MOSMO: variants seen among roughly 807,000 people sequenced by gnomAD.
The protein encoded by MOSMO is modulator of smoothened.
MOSMO carries 5 observed loss-of-function variants against 18.4 expected under a neutral mutation model. That is an observed-to-expected ratio of 0.27 (90% CI 0.14 to 0.57). The LOEUF (loss-of-function observed/expected upper bound fraction) is 0.57. MOSMO is among the 20% of genes least tolerant of loss of function. The probability of loss-of-function intolerance (pLI) is 0.92; values close to 1 mark genes in which losing one functional copy is unlikely to be tolerated. For missense variants in MOSMO, 138 were observed against 211.8 expected (o/e 0.65, Z 2.16); for synonymous variants, 82 against 82.3 (o/e 1.00, Z 0.02).
chr16:22,070,371 G>A (rs535063135), intron 1 of MOSMO, among the ~76,000 whole-genome samples: 1 of 152,274 alleles, frequency 6.6e-6, no homozygotes, highest in East Asian at 1.9e-4. Context: ...ATTGAGTCAG[G>A]GCTATCATTT....
intron 1 of MOSMO, 135 bp from the exon 2 acceptor site, chr16:22,075,352 G>A: frequency 1.4e-6 from 1 of 725,612 alleles, no homozygotes. Context: ...AGATGCTGAA[G>A]AGTAGGACTT....
intron 1 of MOSMO, among the ~76,000 whole-genome samples, chr16:22,033,320 G>A (rs1900034784): frequency 6.6e-6 from 1 of 152,116 alleles, no homozygotes; most frequent in African/African-American, 2.4e-5. Flanking sequence ...AGTATGAAAT[G>A]TCTTTCTATT....
intron 1 of MOSMO, among the ~76,000 whole-genome samples, chr16:22,063,230 C>T (rs1009489788): frequency 1.3e-5 from 2 of 152,192 alleles, no homozygotes; most frequent in African/African-American, 4.8e-5. Context: ...GAAGACAACA[C>T]ATACATGACT....
chr16:22,011,849 G>T (rs1899535911), intron 1 of MOSMO, among the ~76,000 whole-genome samples: 1 of 150,682 alleles, frequency 6.6e-6, no homozygotes. Flanking sequence ...AAACGAATGG[G>T]ACAGTATGTT....
chr16:22,073,139 G>A (rs772563128), intron 1 of MOSMO, among the ~76,000 whole-genome samples: 4 of 152,124 alleles, frequency 2.6e-5, no homozygotes, highest in Non-Finnish European at 5.9e-5. Flanking sequence ...AACGCTGAGA[G>A]AGTAAGAAAG....
intron 1 of MOSMO, among the ~76,000 whole-genome samples, chr16:22,044,613 A>G (rs1389860354): frequency 6.6e-6 from 1 of 152,090 alleles, no homozygotes. Flanking sequence ...TATCTGAAAC[A>G]CTTCTGGTCC....
intron 1 of MOSMO, among the ~76,000 whole-genome samples, chr16:22,024,774 C>T (rs1228115424): frequency 2.6e-5 from 4 of 152,052 alleles, no homozygotes; most frequent in African/African-American, 9.7e-5. Flanking sequence ...ATGGCAGGGA[C>T]ATATGTGTAA....
chr16:22,076,979 T>G (rs995280855), intron 2 of MOSMO, among the ~76,000 whole-genome samples: 22 of 152,220 alleles, frequency 1.4e-4, no homozygotes, highest in African/African-American at 5.3e-4. Flanking sequence ...CCTGAGACAA[T>G]TCTTTTCTGG....
At chr16:22,029,809 G>A (rs1310032404) in intron 1 of MOSMO, among the ~76,000 whole-genome samples, 5 of 151,980 alleles carry the variant, frequency 3.3e-5, no homozygotes, top group Admixed American at 6.6e-5. Context: ...TTTGCTTTTT[G>A]TAGAGGTGGG....
At chr16:22,032,317 A>C (rs1315030938) in intron 1 of MOSMO, among the ~76,000 whole-genome samples, 2 of 150,912 alleles carry the variant, frequency 1.3e-5, no homozygotes, top group African/African-American at 4.9e-5. Context: ...AAGCCTCCGG[A>C]GTAGGTGGGA....
At chr16:22,014,917 AT>A (rs937091678) in intron 1 of MOSMO, among the ~76,000 whole-genome samples, 9 of 152,042 alleles carry the variant, frequency 5.9e-5, no homozygotes, top group Admixed American at 6.5e-5. Context: ...TTTCCAGTAA[AT>A]TTTTTTTAAA....
chr16:22,023,997 TTATATA>T lies in MOSMO; in HGVS notation c.106+15604_106+15609del, dbSNP rs72336979. ...ATGCTGCTATAGAATTTTGTACAAA[TTATATA>T]TATATATATATATTTTCTTAAGAAA... On this transcript the variant is annotated intron_variant, in intron 1 of 2. Coordinates refer to ENST00000542527, the MANE Select transcript of MOSMO (RefSeq NM_001164579.2). Among the ~76,000 whole-genome samples the T allele has an allele frequency of 1.8e-3, 222 of 126,364 alleles. 9 individuals carry two copies. Among genetic ancestry groups the T allele is most frequent in the African/African-American group, 7.8e-3 (213 of 27,174 alleles). The allele number at this position is 126,364 out of a possible 152,430, so 82.9% of individuals were successfully genotyped here.
At chr16:22,031,285 G>C (rs1025720816) in intron 1 of MOSMO, among the ~76,000 whole-genome samples, 1 of 152,224 alleles carries the variant, frequency 6.6e-6, no homozygotes, top group African/African-American at 2.4e-5. Context: ...AGAGGCATCA[G>C]ATGACTCTGG....
At chr16:22,086,227 T>C (rs1284458304), downstream of MOSMO, 1 of 152,266 alleles carries the variant, frequency 6.6e-6, no homozygotes, top group African/African-American at 2.4e-5. Context: ...ATTATTTCCA[T>C]GTTCACATTT....
At chr16:22,055,045 G>A (rs1055811553) in intron 1 of MOSMO, among the ~76,000 whole-genome samples, 2 of 151,790 alleles carry the variant, frequency 1.3e-5, no homozygotes, top group East Asian at 1.9e-4. Context: ...AGCTGAGTCA[G>A]GAATTCTCTT....
At position 22,073,003 on chromosome 16, in the gene MOSMO, A is replaced by T. The variant is rs1900889298; in HGVS notation, c.107-2484A>T. Among the ~76,000 whole-genome samples the T allele has an allele frequency of 1.3e-5, 2 of 152,056 alleles. 1 individual carries two copies. Among genetic ancestry groups the T allele is most frequent in the Non-Finnish European group, 2.9e-5 (2 of 67,998 alleles). On this transcript the variant is annotated intron_variant, in intron 1 of 2. Coordinates refer to ENST00000542527, the MANE Select transcript of MOSMO (RefSeq NM_001164579.2). ...GGTCAGATTATTTGCAGTTTTATAG[A>T]AGGTGTTGAAATTTTCGTGCTTGTT... is the stretch of plus-strand genomic sequence containing the variant.
chr16:22,057,299 A>G (rs1011564476), intron 1 of MOSMO, among the ~76,000 whole-genome samples: 8 of 152,204 alleles, frequency 5.3e-5, no homozygotes, highest in Admixed American at 3.3e-4. Flanking sequence ...TGCTTTCAAG[A>G]TGGGTCCTTG....
intron 1 of MOSMO, among the ~76,000 whole-genome samples, chr16:22,052,169 A>T (rs1396540388): frequency 6.6e-6 from 1 of 152,212 alleles, no homozygotes; most frequent in Non-Finnish European, 1.5e-5. Context: ...ATAACAAAAG[A>T]CTGGAAATAA....
At chr16:22,049,970 G>A (rs556873340) in intron 1 of MOSMO, among the ~76,000 whole-genome samples, 3 of 152,152 alleles carry the variant, frequency 2.0e-5, no homozygotes, top group Non-Finnish European at 4.4e-5. Context: ...CTTCATTATC[G>A]TGGCTGTTGT....
Sources: gnomAD v4.1 joint callset for allele counts (sites outside exome capture counted in the v4.1 genomes callset) on GRCh38, gnomAD v4.1.1 for gene constraint, MANE v1.5 for transcripts, NCBI Gene and HGNC (gene_info 2026-07-23, HGNC 2026-07-21) for gene names.